The following GALNT2 variants were observed in gnomAD, a reference collection of about 807,000 sequenced individuals.
GALNT2 encodes polypeptide N-acetylgalactosaminyltransferase 2.
A neutral mutation model predicts 81.4 loss-of-function variants in GALNT2; 31 were observed. The ratio of observed to expected loss-of-function variants is 0.38; its 90% CI spans 0.29 to 0.51. GALNT2 has a LOEUF of 0.51. GALNT2 is among the 20% of genes least tolerant of loss of function. The pLI is 0.87. For missense variants in GALNT2, 629 were observed against 765.7 expected (o/e 0.82, Z 2.11); for synonymous variants, 303 against 287.4 (o/e 1.05, Z -0.55).
At chr1:230,164,339 C>G (rs1375471212) in intron 1 of GALNT2, among the ~76,000 whole-genome samples, 1 of 152,198 alleles carries the variant, frequency 6.6e-6, no homozygotes, top group Non-Finnish European at 1.5e-5. Flanking sequence ...CACCCGAGTT[C>G]CCTGTACACA....
chr1:230,218,428 G>A (rs953170984), intron 3 of GALNT2, among the ~76,000 whole-genome samples: 7 of 152,256 alleles, frequency 4.6e-5, no homozygotes, highest in Non-Finnish European at 7.4e-5. Flanking sequence ...TAGCTCCTTC[G>A]TGATATAAGT....
At chr1:230,273,584 C>T (rs1014938490) in intron 14 of GALNT2, among the ~76,000 whole-genome samples, 19 of 152,312 alleles carry the variant, frequency 1.2e-4, no homozygotes, top group Admixed American at 6.5e-4. Flanking sequence ...GAACAGGCTC[C>T]GGCCTCCTCT....
intron 2 of GALNT2, among the ~76,000 whole-genome samples, chr1:230,191,752 A>G (rs1215837358): frequency 6.6e-6 from 1 of 152,212 alleles, no homozygotes; most frequent in Admixed American, 6.5e-5. Flanking sequence ...AGCCCAAGTG[A>G]TCCCTATTCC....
At chr1:230,172,713 A>G (rs898809628) in intron 1 of GALNT2, among the ~76,000 whole-genome samples, 1 of 152,034 alleles carries the variant, frequency 6.6e-6, no homozygotes. Context: ...AGCCAAGAAC[A>G]CTTCTTATTT....
intron 1 of GALNT2, among the ~76,000 whole-genome samples, chr1:230,152,358 T>C (rs2102836772): frequency 6.6e-6 from 1 of 152,276 alleles, no homozygotes; most frequent in East Asian, 1.9e-4. Flanking sequence ...ACCTGACTCT[T>C]TCAAAGATGA....
intron 1 of GALNT2, among the ~76,000 whole-genome samples, chr1:230,090,730 C>G (rs1660045969): frequency 1.3e-5 from 2 of 152,150 alleles, no homozygotes. Flanking sequence ...ATAGTTGAAG[C>G]TTATTATTTT....
chr1:230,127,895 C>T (rs924715011), intron 1 of GALNT2, among the ~76,000 whole-genome samples: 3 of 152,188 alleles, frequency 2.0e-5, no homozygotes, highest in African/African-American at 2.4e-5. Context: ...CAGGCCAAGA[C>T]GGAACCTCCC....
intron 1 of GALNT2, among the ~76,000 whole-genome samples, chr1:230,159,555 T>G (rs1662366361): frequency 6.6e-6 from 1 of 152,206 alleles, no homozygotes; most frequent in Non-Finnish European, 1.5e-5. Context: ...GACGGTCACT[T>G]TGCTCTAAGT....
chr1:230,164,829 C>T (rs1009966981), intron 1 of GALNT2, among the ~76,000 whole-genome samples: 5 of 152,152 alleles, frequency 3.3e-5, no homozygotes, highest in Non-Finnish European at 1.5e-5. Context: ...CACGCCTGGC[C>T]TCTCAGCCCT....
At chr1:230,267,016 AC>A (rs1405816109) in intron 14 of GALNT2, among the ~76,000 whole-genome samples, 1 of 151,988 alleles carries the variant, frequency 6.6e-6, no homozygotes, top group African/African-American at 2.4e-5. Flanking sequence ...ACACACACAC[AC>A]AATAGCACAT....
At chr1:230,258,114 C>T (rs2102755864) in intron 11 of GALNT2, among the ~76,000 whole-genome samples, 1 of 152,258 alleles carries the variant, frequency 6.6e-6, no homozygotes, top group South Asian at 2.1e-4. Flanking sequence ...AGGGTTTCAC[C>T]ATGTTGGCCA....
At chr1:230,199,001 G>C (rs1423082666) in intron 2 of GALNT2, among the ~76,000 whole-genome samples, 1 of 152,072 alleles carries the variant, frequency 6.6e-6, no homozygotes, top group Admixed American at 6.6e-5. Context: ...CATGTAAAAT[G>C]TTATATCTTT....
chr1:230,188,725 A>G (rs1448823657), intron 2 of GALNT2, among the ~76,000 whole-genome samples: 2 of 151,838 alleles, frequency 1.3e-5, no homozygotes, highest in Non-Finnish European at 2.9e-5. Flanking sequence ...CCTTGCTTCT[A>G]TTTCAGCATC....
intron 10 of GALNT2, 23 bp downstream of exon 10, chr1:230,250,583 A>C: frequency 1.1e-3 from 1,694 of 1,533,096 alleles, no homozygotes; most frequent in Non-Finnish European, 1.4e-3. Context: ...CTCAAATCTC[A>C]GGACAGAGAA....
chr1:230,269,387 T>C (rs1438617538), intron 14 of GALNT2, among the ~76,000 whole-genome samples: 2 of 152,100 alleles, frequency 1.3e-5, no homozygotes, highest in Non-Finnish European at 2.9e-5. Context: ...GATTCCACTA[T>C]GTTGGCCAGG....
At chr1:230,191,290 C>T (rs187562282) in intron 2 of GALNT2, among the ~76,000 whole-genome samples, 16 of 152,256 alleles carry the variant, frequency 1.1e-4, no homozygotes, top group East Asian at 5.8e-4. Context: ...AGAGTTAGTC[C>T]GGCTGACAGT....
intron 3 of GALNT2, among the ~76,000 whole-genome samples, chr1:230,230,802 T>C (rs978740067): frequency 2.0e-5 from 3 of 152,216 alleles, no homozygotes; most frequent in African/African-American, 7.2e-5. Context: ...AAAATCCGAA[T>C]TACAAGGGCA....
At chr1:230,175,029 A>G (rs961290359) in intron 1 of GALNT2, among the ~76,000 whole-genome samples, 1 of 152,164 alleles carries the variant, frequency 6.6e-6, no homozygotes, top group Non-Finnish European at 1.5e-5. Flanking sequence ...AGCACAGGCC[A>G]AGATGCCTGG....
rs1665740837 is a variant in GALNT2 at position 230,257,224 on chromosome 1, A to G, written c.1136+1880A>G. ...GCCTGATGTCTGTTTTATGCTTTGG[A>G]AAGGTCCGTATGGTTGCTGGGCAGA... On this transcript the variant is annotated intron_variant, in intron 11 of 15. Transcript: ENST00000366672. The surrounding 1 kb of genome is among the most constrained non-coding windows in gnomAD (Gnocchi z 4.6). Among the ~76,000 whole-genome samples, 1 of 152,196 alleles carries G rather than the reference A, an allele frequency of 6.6e-6. No homozygotes were observed. Among genetic ancestry groups the G allele is most frequent in the Non-Finnish European group, 1.5e-5 (1 of 68,034 alleles).
Sources: allele counts gnomAD v4.1 joint callset (sites outside exome capture counted in the v4.1 genomes callset), GRCh38; gene constraint gnomAD v4.1.1; non-coding constraint Gnocchi (gnomAD v3.1); transcripts MANE v1.5; gene names NCBI Gene and HGNC (gene_info 2026-07-23, HGNC 2026-07-21).